Variants in DOCK8 observed in about 807,000 individuals in gnomAD.
DOCK8 encodes dedicator of cytokinesis protein 8.
A neutral mutation model predicts 245.6 loss-of-function variants in DOCK8; 141 were observed. The observed-to-expected ratio is 0.57, with a 90% CI of 0.50 to 0.66. The LOEUF is 0.66. DOCK8 is among the 30% of genes least tolerant of loss of function. The probability of loss-of-function intolerance (pLI) is 0.00; values close to 1 mark genes in which losing one functional copy is unlikely to be tolerated. For missense variants in DOCK8, 2,965 were observed against 2,603.4 expected, an observed-to-expected ratio of 1.14 and a Z score of -3.02; for synonymous variants, 1,168 against 970.2, an observed-to-expected ratio of 1.20 and a Z score of -3.79.
At chr9:228,476 C>T (rs1202781218) in intron 1 of DOCK8, among the ~76,000 whole-genome samples, 1 of 151,986 alleles carries the variant, frequency 6.6e-6, no homozygotes, top group Non-Finnish European at 1.5e-5. Context: ...TATTTATCTT[C>T]ATATGTTTAA....
intron 26 of DOCK8, among the ~76,000 whole-genome samples, chr9:402,977 C>T (rs890470356): frequency 6.6e-6 from 1 of 152,196 alleles, no homozygotes; most frequent in African/African-American, 2.4e-5. Context: ...GCAAACTCCG[C>T]CTCACAGGTT....
intron 1 of DOCK8, among the ~76,000 whole-genome samples, chr9:237,614 C>T (rs1243439082): frequency 6.6e-6 from 1 of 152,148 alleles, no homozygotes; most frequent in Admixed American, 6.5e-5. Flanking sequence ...GTGATTGTAC[C>T]ACTGCACTCC....
At chr9:327,502 A>G (rs2050817463) in intron 8 of DOCK8, among the ~76,000 whole-genome samples, 1 of 149,088 alleles carries the variant, frequency 6.7e-6, no homozygotes, top group Non-Finnish European at 1.5e-5. Context: ...CAAGTGATCC[A>G]TCCTCCCACC....
At chr9:431,305 T>C (rs934647111) in intron 36 of DOCK8, among the ~76,000 whole-genome samples, 1 of 152,128 alleles carries the variant, frequency 6.6e-6, no homozygotes, top group Non-Finnish European at 1.5e-5. Context: ...TGTTAATAAG[T>C]ATGCTCAAGT....
chr9:392,556 G>T (rs1265715673), intron 24 of DOCK8, among the ~76,000 whole-genome samples: 1 of 152,210 alleles, frequency 6.6e-6, no homozygotes, highest in Non-Finnish European at 1.5e-5. Flanking sequence ...CTTCTCAGGT[G>T]ACTTCTAAGC....
intron 20 of DOCK8, among the ~76,000 whole-genome samples, chr9:379,139 G>T (rs551866695): frequency 6.6e-6 from 1 of 152,192 alleles, no homozygotes; most frequent in South Asian, 2.1e-4. Flanking sequence ...AAGGGATGTC[G>T]AACTGAGCCA....
chr9:233,620 C>T (rs1025643730), intron 1 of DOCK8, among the ~76,000 whole-genome samples: 1 of 152,114 alleles, frequency 6.6e-6, no homozygotes, highest in South Asian at 2.1e-4. Flanking sequence ...GTTAGCTCTT[C>T]TTGTTGAATT....
At chr9:354,863 G>C (rs1013082703) in intron 14 of DOCK8, among the ~76,000 whole-genome samples, 2 of 152,194 alleles carry the variant, frequency 1.3e-5, no homozygotes, top group African/African-American at 4.8e-5. Flanking sequence ...GTCTTTCACA[G>C]CCTAATCTCA....
At chr9:438,963 C>T (rs1042414318) in intron 39 of DOCK8, among the ~76,000 whole-genome samples, 45 of 152,164 alleles carry the variant, frequency 3.0e-4, no homozygotes, top group Non-Finnish European at 4.3e-4. Context: ...GGTTGTTTCA[C>T]TAAAGTAACT....
intron 15 of DOCK8, chr9:368,853 C>G (rs1468847620): frequency 8.3e-6 from 1 of 121,024 alleles, no homozygotes; most frequent in African/African-American, 3.0e-5. Flanking sequence ...CAGAGTTTCA[C>G]TCTTTTTGCC....
intron 45 of DOCK8, among the ~76,000 whole-genome samples, chr9:451,752 T>G (rs1363779259): frequency 6.6e-6 from 1 of 151,932 alleles, no homozygotes; most frequent in African/African-American, 2.4e-5. Flanking sequence ...TATTTTTTTT[T>G]GTTTATTTCA....
At chr9:388,110 G>T (rs2054030536) in intron 23 of DOCK8, among the ~76,000 whole-genome samples, 2 of 152,164 alleles carry the variant, frequency 1.3e-5, no homozygotes, top group African/African-American at 4.8e-5. Flanking sequence ...GACCCTGGCA[G>T]ACAAACTGAC....
chr9:248,028 CTT>C (rs1348272474), intron 1 of DOCK8, among the ~76,000 whole-genome samples: 1 of 149,286 alleles, frequency 6.7e-6, no homozygotes, highest in Non-Finnish European at 1.5e-5. Flanking sequence ...GCTGAGCAAA[CTT>C]TGTGTTGAAA....
Position 442,223 on chromosome 9 carries a change from T to C in DOCK8, c.5490+214T>C, listed in dbSNP as rs917291686. 4.6e-5 allele frequency among the ~76,000 whole-genome samples: 7 copies of C among 152,378 alleles called. 1 individual carries two copies. Among genetic ancestry groups the C allele is most frequent in the Admixed American group, 4.6e-4 (7 of 15,308 alleles). On this transcript the variant is annotated intron_variant, in intron 42 of 47. Coordinates refer to ENST00000432829, the MANE Select transcript of DOCK8 (RefSeq NM_203447.4). Reference sequence around the variant, plus strand: ...TTTTGATAGTTTTTCCCTAATACTCTGTGTATGCTTTTCACAGTTTGGAAT... The same window carrying C: ...TTTTGATAGTTTTTCCCTAATACTCCGTGTATGCTTTTCACAGTTTGGAAT...
chr9:231,975 G>A (rs144565006), intron 1 of DOCK8, among the ~76,000 whole-genome samples: 8,484 of 152,120 alleles, frequency 0.056, 734 homozygotes, highest in African/African-American at 0.19. Context: ...TCTTGTGCCC[G>A]TTTTCAAAGG....
At position 426,791 on chromosome 9, in the gene DOCK8, G is replaced by A. The variant is rs886645764; in HGVS notation, c.4242-94G>A. 1.4e-5 allele frequency: 13 copies of A among 959,082 alleles called. No homozygotes were observed. The African/African-American group carries it at 1.9e-4, about 14-fold the overall frequency. 59.4% of individuals were successfully genotyped at this position (959,082 alleles called of 1,614,324 possible). A position where few individuals can be genotyped will look rare whatever the true frequency, so the allele number is the denominator to read the frequency against. ...TTTTCATTTCAAGGTTGACTATTTT[G>A]GAGATTTCTTTACACCTTGGTGTAT... On this transcript the variant is annotated intron_variant, in intron 33 of 47. Coordinates refer to ENST00000432829, the MANE Select transcript of DOCK8 (RefSeq NM_203447.4).
intron 13 of DOCK8, among the ~76,000 whole-genome samples, chr9:339,727 G>T (rs1001951013): frequency 2.6e-5 from 4 of 152,172 alleles, no homozygotes; most frequent in African/African-American, 7.2e-5. Flanking sequence ...TGTTGGCCAG[G>T]ATTGTCTCGA....
At chr9:284,782 C>A (rs117855976) in intron 2 of DOCK8, among the ~76,000 whole-genome samples, 2,668 of 152,232 alleles carry the variant, frequency 0.018, 33 homozygotes, top group South Asian at 0.021. Flanking sequence ...TGAGATCATG[C>A]CTTTTGTGGG....
intron 14 of DOCK8, among the ~76,000 whole-genome samples, chr9:359,803 C>CAAAAAAAAAAAAAAAAAAAAAAAAAAAA: frequency 9.2e-6 from 1 of 108,520 alleles, no homozygotes; most frequent in Admixed American, 9.6e-5. Flanking sequence ...TCTGTCTTTG[C>CAAAAAAAAAAAAAAAAAAAAAAAAAAAA]AAAAAAAAAA....
Sources: allele counts gnomAD v4.1 joint callset (sites outside exome capture counted in the v4.1 genomes callset), GRCh38; gene constraint gnomAD v4.1.1; transcripts MANE v1.5; gene names NCBI Gene and HGNC (gene_info 2026-07-23, HGNC 2026-07-21).